The following NAV2 variants were observed in gnomAD, a reference collection of about 807,000 sequenced individuals.
The protein encoded by NAV2 is neuron navigator 2.
Under a neutral mutation model 223.2 loss-of-function variants are expected in NAV2, and 54 were observed. That is an observed-to-expected ratio of 0.24 (90% CI 0.19 to 0.30). NAV2 has a LOEUF of 0.30. Ranked by LOEUF, NAV2 falls within the 10% of genes least tolerant of loss-of-function variation. The pLI is 1.00. For synonymous variants in NAV2, 1,279 were observed against 1,239.3 expected (o/e 1.03, Z -0.67); for missense variants, 2,806 against 3,147.5 (o/e 0.89, Z 2.60).
chr11:19,539,806 G>A (rs1197002853), intron 1 of NAV2, among the ~76,000 whole-genome samples: 1 of 152,172 alleles, frequency 6.6e-6, no homozygotes, highest in Non-Finnish European at 1.5e-5. Context: ...AAGCAGGCAG[G>A]CTACAAATGC....
chr11:20,011,241 A>G (rs1353694026), intron 11 of NAV2, among the ~76,000 whole-genome samples: 1 of 152,230 alleles, frequency 6.6e-6, no homozygotes, highest in Admixed American at 6.5e-5. Context: ...ATTTAAAAAT[A>G]TTAAATGTGA....
intron 1 of NAV2, among the ~76,000 whole-genome samples, chr11:19,373,144 C>T (rs1207606145): frequency 2.0e-5 from 3 of 152,202 alleles, no homozygotes; most frequent in African/African-American, 7.2e-5. Context: ...TCTGGCTCCT[C>T]CTCTGAATGT....
At chr11:19,383,283 C>T (rs1848913784) in intron 1 of NAV2, among the ~76,000 whole-genome samples, 1 of 152,188 alleles carries the variant, frequency 6.6e-6, no homozygotes, top group South Asian at 2.1e-4. Flanking sequence ...GGCTTGGCCC[C>T]TCCTCCCAAA....
chr11:19,864,193 C>T (rs1355762199), intron 3 of NAV2, among the ~76,000 whole-genome samples: 1 of 152,180 alleles, frequency 6.6e-6, no homozygotes, highest in Admixed American at 6.5e-5. Flanking sequence ...GGAGATTTCC[C>T]AAGGGGCTTG....
intron 1 of NAV2, among the ~76,000 whole-genome samples, chr11:19,730,700 C>T (rs955113395): frequency 2.0e-5 from 3 of 152,206 alleles, no homozygotes; most frequent in Non-Finnish European, 4.4e-5. Context: ...TTTTCCTCCT[C>T]CCGGCCTGGC....
At chr11:19,860,179 C>A (rs1245218559) in intron 3 of NAV2, among the ~76,000 whole-genome samples, 8 of 148,510 alleles carry the variant, frequency 5.4e-5, no homozygotes, top group African/African-American at 2.0e-4. Flanking sequence ...GCTGACCCCC[C>A]ACCTCCCTCC....
At chr11:19,681,297 C>A (rs2048874600) in intron 1 of NAV2, among the ~76,000 whole-genome samples, 2 of 152,230 alleles carry the variant, frequency 1.3e-5, no homozygotes, top group South Asian at 4.1e-4. Context: ...GAAGTATCAT[C>A]AATTTTCAAT....
At chr11:19,428,486 G>A (rs529837462) in intron 1 of NAV2, among the ~76,000 whole-genome samples, 1 of 152,282 alleles carries the variant, frequency 6.6e-6, no homozygotes, top group East Asian at 1.9e-4. Flanking sequence ...ATCCAAAGAG[G>A]TAAGTGCTTA....
chr11:19,708,728 T>C (rs2049755467), upstream of NAV2, among the ~76,000 whole-genome samples: 1 of 152,182 alleles, frequency 6.6e-6, no homozygotes, highest in Admixed American at 6.5e-5. Context: ...TCTCTTAGGA[T>C]GATTCAGTGG....
intron 6 of NAV2, among the ~76,000 whole-genome samples, chr11:19,915,146 G>A (rs1237959302): frequency 6.6e-6 from 1 of 152,206 alleles, no homozygotes; most frequent in Non-Finnish European, 1.5e-5. Flanking sequence ...GTGCATTCAT[G>A]TGGTACATAT....
chr11:20,044,282 C>T lies in NAV2; in HGVS notation c.3199+10C>T, dbSNP rs372370339. On this transcript the variant is annotated intron_variant, in intron 13 of 37. Coordinates refer to ENST00000349880, the MANE Select transcript of NAV2 (RefSeq NM_145117.5). The stretch of plus-strand genomic sequence containing the variant: ...AAGACCCCAGGAACTGGTAAGAGGC[C>T]GGGGCTGTCTTGGCCCTACAGTTGA... The T allele has an allele frequency of 2.8e-5, 45 of 1,600,558 alleles. No individual in the cohort carries two copies. The highest frequency in any genetic ancestry group is 6.7e-5 in the Admixed American group (4 of 59,726).
intron 7 of NAV2, among the ~76,000 whole-genome samples, chr11:19,939,115 G>A (rs1350022206): frequency 6.6e-6 from 1 of 152,174 alleles, no homozygotes; most frequent in East Asian, 1.9e-4. Context: ...TGATCAATGA[G>A]ACCTTTCATG....
chr11:19,750,630 C>T (rs902922662), intron 1 of NAV2, among the ~76,000 whole-genome samples: 7 of 152,144 alleles, frequency 4.6e-5, no homozygotes, highest in African/African-American at 1.4e-4. Context: ...TAGAATGTCC[C>T]GTGTGGAAGG....
intron 1 of NAV2, among the ~76,000 whole-genome samples, chr11:19,454,254 G>T (rs1012396296): frequency 2.0e-5 from 3 of 152,178 alleles, no homozygotes; most frequent in Non-Finnish European, 4.4e-5. Context: ...TGATGATACT[G>T]GGGCCTGTGG....
chr11:19,592,107 A>G (rs1421749850), intron 1 of NAV2, among the ~76,000 whole-genome samples: 1 of 152,210 alleles, frequency 6.6e-6, no homozygotes, highest in Admixed American at 6.5e-5. Context: ...CAGGCCACAT[A>G]GAGGCACCCA....
At chr11:19,459,596 A>G (rs945253882) in intron 1 of NAV2, among the ~76,000 whole-genome samples, 1 of 152,220 alleles carries the variant, frequency 6.6e-6, no homozygotes, top group Admixed American at 6.5e-5. Flanking sequence ...AGTAGGACAG[A>G]TGTTTCCATA....
chr11:19,681,806 C>T (rs758199625), intron 1 of NAV2, among the ~76,000 whole-genome samples: 4 of 152,186 alleles, frequency 2.6e-5, no homozygotes, highest in Non-Finnish European at 1.5e-5. Flanking sequence ...CTGTGGGAAT[C>T]CACTGAGACC....
intron 1 of NAV2, among the ~76,000 whole-genome samples, chr11:19,631,388 A>C (rs528023244): frequency 6.6e-6 from 1 of 152,130 alleles, no homozygotes; most frequent in Non-Finnish European, 1.5e-5. Flanking sequence ...TAGTTTGCTG[A>C]GAATGAGGGT....
intron 1 of NAV2, among the ~76,000 whole-genome samples, chr11:19,529,926 A>C (rs2043973597): frequency 6.6e-6 from 1 of 152,164 alleles, no homozygotes. Context: ...CTTTTTTACT[A>C]CCATTGACCT....
Sources: gnomAD v4.1 joint callset for allele counts (sites outside exome capture counted in the v4.1 genomes callset) on GRCh38, gnomAD v4.1.1 for gene constraint, MANE v1.5 for transcripts, NCBI Gene and HGNC (gene_info 2026-07-23, HGNC 2026-07-21) for gene names.